RBM19: variants seen among roughly 807,000 people sequenced by gnomAD.
RBM19 encodes the protein probable RNA-binding protein 19.
Under a neutral mutation model 116.8 loss-of-function variants are expected in RBM19, and 94 were observed. The observed-to-expected ratio is 0.80, with a 90% CI of 0.68 to 0.95. The LOEUF (loss-of-function observed/expected upper bound fraction) is 0.95, where lower values mean the gene tolerates loss of function less well. Among genes scored for constraint, RBM19 ranks in the 40% least tolerant of loss-of-function variants. RBM19 has a pLI of 0.00. For synonymous variants in RBM19, 475 were observed against 494.1 expected, an observed-to-expected ratio of 0.96 and a Z score of 0.51; for missense variants, 1,161 against 1,220.7, an observed-to-expected ratio of 0.95 and a Z score of 0.73.
chr12:113,902,598 C>CAAA lies in RBM19; in HGVS notation c.2558+12368_2558+12370dup, dbSNP rs60289889. Reference sequence around the variant, plus strand: ...TGGACAACAGAATGAGACCCAGTCTCAAAAAAAAAAAAAAAAAAGACAACG... The same window carrying CAAA: ...TGGACAACAGAATGAGACCCAGTCTCAAAAAAAAAAAAAAAAAAAAAGACAACG... On this transcript the variant is annotated intron_variant, in intron 21 of 23. Transcript: ENST00000261741. 3.1e-3 allele frequency among the ~76,000 whole-genome samples: 353 copies of CAAA among 114,736 alleles called. 6 individuals carry two copies. Among genetic ancestry groups the CAAA allele is most frequent in the East Asian group, 9.6e-3 (39 of 4,052 alleles). 75.3% of individuals were successfully genotyped at this position (114,736 alleles called of 152,430 possible).
chr12:113,828,653 C>T lies in RBM19; in HGVS notation c.2786-5332G>A, dbSNP rs1875091793. On this transcript the variant is annotated intron_variant, in intron 23 of 23. Transcript: ENST00000261741. The stretch of plus-strand genomic sequence containing the variant: ...ACACCAGCCACCTGTAGCTCCCACC[C>T]TTGGGGAGTATGAGGGTGCCATGAT... Among the ~76,000 whole-genome samples, 2 of 152,084 alleles carry T rather than the reference C, an allele frequency of 1.3e-5. 1 individual carries two copies. Among genetic ancestry groups the T allele is most frequent in the South Asian group, 4.2e-4 (2 of 4,810 alleles).
In RBM19 at chr12:113,937,091, A is replaced by G; in HGVS notation, c.1984T>C (p.Phe662Leu). ...TTCTTCTGTGGGGCTGTGCTGGAGAAGACGCCAACTGGAGCCCACTCCAGA... is the reference window on the plus strand; with the variant it reads ...TTCTTCTGTGGGGCTGTGCTGGAGAGGACGCCAACTGGAGCCCACTCCAGA... ...LYLEWAPVGV[F>L]SSTAPQKKKL... is the part of the protein sequence containing the mutation. Residue 662 changes from phenylalanine (F) to leucine (L), a missense_variant, in exon 16 of 24, where the codon TTC becomes CTC. Coordinates refer to ENST00000261741, the MANE Select transcript of RBM19 (RefSeq NM_016196.4). 6.2e-7 allele frequency: 1 copy of G among 1,614,092 alleles called. No individual in the cohort carries two copies. The highest frequency in any genetic ancestry group is 8.5e-7 in the Non-Finnish European group (1 of 1,179,974).
intron 21 of RBM19, among the ~76,000 whole-genome samples, chr12:113,869,295 CA>C (rs1287613689): frequency 6.6e-6 from 1 of 152,152 alleles, no homozygotes; most frequent in Non-Finnish European, 1.5e-5. Flanking sequence ...CCCTCTTATC[CA>C]CATGGATAAT....
At chr12:113,873,757 T>A (rs1370792294) in intron 21 of RBM19, among the ~76,000 whole-genome samples, 1 of 151,934 alleles carries the variant, frequency 6.6e-6, no homozygotes, top group Non-Finnish European at 1.5e-5. Flanking sequence ...GGTCAACATT[T>A]TCAGAGGGCT....
intron 5 of RBM19, 82 bp downstream of exon 5, chr12:113,959,130 C>A: frequency 6.6e-7 from 1 of 1,507,204 alleles, no homozygotes; most frequent in Non-Finnish European, 9.0e-7. Flanking sequence ...CTAGAGTCTG[C>A]ACAGAGGGGC....
intron 8 of RBM19, among the ~76,000 whole-genome samples, chr12:113,951,736 T>C (rs1469872195): frequency 1.3e-5 from 2 of 151,882 alleles, no homozygotes; most frequent in Non-Finnish European, 2.9e-5. Context: ...AAGAGGAGAG[T>C]TGGGGAAGAA....
At chr12:113,894,389 C>T (rs572789701) in intron 21 of RBM19, among the ~76,000 whole-genome samples, 39 of 152,244 alleles carry the variant, frequency 2.6e-4, no homozygotes, top group Non-Finnish European at 3.1e-4. Flanking sequence ...CAGAACATGC[C>T]CTCTCCAGCC....
At chr12:113,853,491 T>A (rs1382115971) in intron 22 of RBM19, among the ~76,000 whole-genome samples, 1 of 152,188 alleles carries the variant, frequency 6.6e-6, no homozygotes, top group Non-Finnish European at 1.5e-5. Context: ...AGGGAAAAAT[T>A]AAAGGCACAT....
intron 21 of RBM19, among the ~76,000 whole-genome samples, chr12:113,872,505 C>T (rs1440130241): frequency 7.7e-6 from 1 of 130,514 alleles, no homozygotes; most frequent in African/African-American, 2.6e-5. Context: ...CCAGCCGCCC[C>T]ATCCGGGAGG....
In RBM19 at chr12:113,880,092, TGAA is replaced by T. The variant is rs778244638; in HGVS notation, c.2559-21199_2559-21197del. The stretch of plus-strand genomic sequence containing the variant: ...TGGTGATGAAGGCCACTAGATAAAA[TGAA>T]GAAGGCCCACTTAAGTATAAATTCC... On this transcript the variant is annotated intron_variant, in intron 21 of 23. Transcript: ENST00000261741. 9.1e-4 allele frequency among the ~76,000 whole-genome samples: 136 copies of T among 148,756 alleles called. 2 individuals carry two copies. Among genetic ancestry groups the T allele is most frequent in the Admixed American group, 1.0e-3 (15 of 14,782 alleles).
intron 6 of RBM19, among the ~76,000 whole-genome samples, chr12:113,956,801 C>T (rs1035411302): frequency 6.6e-6 from 1 of 152,100 alleles, no homozygotes; most frequent in Non-Finnish European, 1.5e-5. Flanking sequence ...CTGAACCCAC[C>T]ATTTCCCAGC....
intron 14 of RBM19, among the ~76,000 whole-genome samples, chr12:113,941,507 TAATA>T (rs1455674376): frequency 3.5e-5 from 5 of 142,888 alleles, no homozygotes; most frequent in African/African-American, 1.5e-4. Flanking sequence ...TGGTAAGTCT[TAATA>T]AATGTTAGCT....
intron 21 of RBM19, among the ~76,000 whole-genome samples, chr12:113,901,318 CTG>C (rs1183545388): frequency 6.6e-6 from 1 of 152,068 alleles, no homozygotes; most frequent in Non-Finnish European, 1.5e-5. Flanking sequence ...TCTGTTGACT[CTG>C]TGGCAGCTGA....
chr12:113,874,989 G>C (rs1879552568), intron 21 of RBM19, among the ~76,000 whole-genome samples: 1 of 152,242 alleles, frequency 6.6e-6, no homozygotes, highest in Admixed American at 6.5e-5. Flanking sequence ...TCAGGTAATT[G>C]AGTAGCTTCA....
At chr12:113,933,060 TC>T (rs780822942) in intron 16 of RBM19, among the ~76,000 whole-genome samples, 18 of 151,502 alleles carry the variant, frequency 1.2e-4, no homozygotes, top group African/African-American at 4.1e-4. Context: ...TTTCAGGACC[TC>T]CCCCCACTCT....
At chr12:113,872,509 C>G (rs1327366376) in intron 21 of RBM19, among the ~76,000 whole-genome samples, 19 of 130,376 alleles carry the variant, frequency 1.5e-4, no homozygotes, top group African/African-American at 4.9e-4. Flanking sequence ...CCGCCCCATC[C>G]GGGAGGGAGG....
chr12:113,954,658 T>C (rs1227893066), intron 7 of RBM19, among the ~76,000 whole-genome samples: 2 of 152,258 alleles, frequency 1.3e-5, no homozygotes, highest in African/African-American at 4.8e-5. Flanking sequence ...GAAAATTAAG[T>C]GTTCTTCTGC....
At chr12:113,883,054 G>T (rs1880260347) in intron 21 of RBM19, among the ~76,000 whole-genome samples, 1 of 152,214 alleles carries the variant, frequency 6.6e-6, no homozygotes, top group South Asian at 2.1e-4. Context: ...GAGAGAGAGA[G>T]AGAGGGAAGG....
intron 21 of RBM19, among the ~76,000 whole-genome samples, chr12:113,894,385 A>G (rs942766481): frequency 2.6e-5 from 4 of 152,234 alleles, no homozygotes; most frequent in African/African-American, 9.6e-5. Flanking sequence ...CAAACAGAAC[A>G]TGCCCTCTCC....
Sources: allele counts gnomAD v4.1 joint callset (sites outside exome capture counted in the v4.1 genomes callset), GRCh38; gene constraint gnomAD v4.1.1; transcripts MANE v1.5; gene names NCBI Gene and HGNC (gene_info 2026-07-23, HGNC 2026-07-21).